The following CDH13 variants were observed in gnomAD, a reference collection of about 807,000 sequenced individuals.
The protein encoded by CDH13 is cadherin 13.
A neutral mutation model predicts 63.8 loss-of-function variants in CDH13; 24 were observed. That is an observed-to-expected ratio of 0.38 (90% confidence interval 0.27 to 0.53). CDH13 has a LOEUF of 0.53. Among genes scored for constraint, CDH13 ranks in the 20% least tolerant of loss-of-function variants. The pLI, the probability that CDH13 is intolerant of heterozygous loss-of-function variation, is 0.85. For synonymous variants in CDH13, 503 were observed against 355.3 expected (o/e 1.42, Z -4.67); for missense variants, 1,049 against 903.1 (o/e 1.16, Z -2.07).
chr16:83,158,569 C>T (rs184432924), intron 4 of CDH13, among the ~76,000 whole-genome samples: 61 of 152,308 alleles, frequency 4.0e-4, no homozygotes, highest in Non-Finnish European at 7.2e-4. Context: ...AGCCCATCTA[C>T]GGGCGCACTG....
chr16:83,215,073 CTTTTTTTT>C (rs571565652), intron 4 of CDH13, among the ~76,000 whole-genome samples: 5 of 56,232 alleles, frequency 8.9e-5, no homozygotes, highest in African/African-American at 1.4e-4. Context: ...TCAAACACCT[CTTTTTTTT>C]TTTTTTTTTT....
chr16:83,683,255 CAG>C (rs1483483381), intron 10 of CDH13, among the ~76,000 whole-genome samples: 1 of 152,216 alleles, frequency 6.6e-6, no homozygotes, highest in Admixed American at 6.5e-5. Flanking sequence ...GGTCTAGTGA[CAG>C]ATGAAATTCT....
At chr16:83,155,560 A>G (rs2037173162) in intron 4 of CDH13, among the ~76,000 whole-genome samples, 2 of 152,108 alleles carry the variant, frequency 1.3e-5, no homozygotes. Context: ...TCCCCTCAAC[A>G]GTGCATATAG....
At chr16:83,027,284 C>A (rs947593541) in intron 2 of CDH13, among the ~76,000 whole-genome samples, 1 of 152,056 alleles carries the variant, frequency 6.6e-6, no homozygotes, top group Non-Finnish European at 1.5e-5. Flanking sequence ...GCTCTTGGTT[C>A]TGGTGCAAAA....
intron 2 of CDH13, among the ~76,000 whole-genome samples, chr16:83,009,846 G>A (rs367977417): frequency 1.7e-4 from 26 of 152,240 alleles, no homozygotes; most frequent in African/African-American, 6.3e-4. Context: ...TGATTAGAAT[G>A]GCTCAGGCCG....
At chr16:83,107,233 C>A (rs575059825) in intron 3 of CDH13, among the ~76,000 whole-genome samples, 62 of 152,166 alleles carry the variant, frequency 4.1e-4, no homozygotes, top group African/African-American at 1.5e-3. Flanking sequence ...CTAAGAGTCC[C>A]GTTGAATTTC....
At chr16:83,658,903 C>T (rs376804526) in intron 8 of CDH13, among the ~76,000 whole-genome samples, 4 of 75,850 alleles carry the variant, frequency 5.3e-5, no homozygotes, top group African/African-American at 2.0e-4. Context: ...CGTATCCTCA[C>T]CAGCAAGGTC....
chr16:82,707,360 A>G (rs1165693366), intron 1 of CDH13, among the ~76,000 whole-genome samples: 2 of 152,194 alleles, frequency 1.3e-5, no homozygotes, highest in Non-Finnish European at 1.5e-5. Context: ...CACATATTTA[A>G]CAACAGGTGC....
rs35753725 is a variant in CDH13, at chr16:83,666,987, CTGGATGGATGGA to C, written c.1102-3771_1102-3760del. On this transcript the variant is annotated intron_variant, in intron 8 of 13. Coordinates refer to ENST00000567109, the MANE Select transcript of CDH13 (RefSeq NM_001257.5). The stretch of plus-strand genomic sequence containing the variant: ...GTCTGTTTTGTTTAGTGGTGTAACC[CTGGATGGATGGA>C]TGGATGGATGGATGGATGGATGGAT... 1.7e-3 allele frequency among the ~76,000 whole-genome samples: 240 copies of C among 144,580 alleles called. 1 individual carries two copies. The highest frequency in any genetic ancestry group is 5.3e-3 in the African/African-American group (208 of 39,256). The allele number at this position is 144,580 out of a possible 152,430, so 94.9% of individuals were successfully genotyped here.
rs531034637 is a variant in CDH13 at position 83,203,799 on chromosome 16, G to C, written c.484-13546G>C. ...GAAAGAAGAATTGAACAACTCCAGG[G>C]AAGTGAAGTTTGGCAAGTTAGCAAG... On this transcript the variant is annotated intron_variant, in intron 4 of 13. Transcript: ENST00000567109. Among the ~76,000 whole-genome samples, 6 of 152,252 alleles carry C rather than the reference G, an allele frequency of 3.9e-5. No individual in the cohort carries two copies. In the East Asian group the frequency reaches 1.2e-3, roughly 29 times the overall value.
intron 1 of CDH13, among the ~76,000 whole-genome samples, chr16:82,837,411 C>A (rs1201564728): frequency 6.7e-6 from 1 of 149,556 alleles, no homozygotes; most frequent in African/African-American, 2.5e-5. Context: ...TCCCCAAGAC[C>A]ACCCCCAGGT....
At chr16:83,561,905 G>A (rs1216916305) in intron 7 of CDH13, among the ~76,000 whole-genome samples, 32 of 152,144 alleles carry the variant, frequency 2.1e-4, no homozygotes, top group Non-Finnish European at 4.4e-5. Flanking sequence ...ATCAAATGGG[G>A]ATTCAGATGT....
At chr16:83,069,028 A>G (rs1567799728) in intron 3 of CDH13, among the ~76,000 whole-genome samples, 1 of 152,242 alleles carries the variant, frequency 6.6e-6, no homozygotes, top group Non-Finnish European at 1.5e-5. Context: ...ATATCCCAGA[A>G]CAAGAAGCAT....
chr16:82,642,950 A>G (rs78920651), intron 1 of CDH13, among the ~76,000 whole-genome samples: 3,366 of 152,330 alleles, frequency 0.022, 122 homozygotes, highest in African/African-American at 0.078. Context: ...TTCCAGACAC[A>G]CAAGACCACA....
chr16:82,903,639 G>C (rs138315899), intron 2 of CDH13, among the ~76,000 whole-genome samples: 38 of 152,188 alleles, frequency 2.5e-4, no homozygotes, highest in African/African-American at 8.2e-4. Flanking sequence ...TTTAATTGCC[G>C]TGGAAACTTT....
intron 7 of CDH13, among the ~76,000 whole-genome samples, chr16:83,529,101 T>G (rs570745584): frequency 6.6e-6 from 1 of 151,868 alleles, no homozygotes; most frequent in Admixed American, 6.5e-5. Context: ...CTTTTTTTTT[T>G]TTTTTTCTTT....
chr16:83,294,985 A>G (rs1357715326), intron 5 of CDH13, among the ~76,000 whole-genome samples: 1 of 152,216 alleles, frequency 6.6e-6, no homozygotes, highest in East Asian at 1.9e-4. Context: ...AAAGTATACT[A>G]CAAAGCTGTA....
At chr16:82,714,550 C>T (rs1246812490) in intron 1 of CDH13, among the ~76,000 whole-genome samples, 2 of 151,446 alleles carry the variant, frequency 1.3e-5, no homozygotes, top group Non-Finnish European at 2.9e-5. Context: ...CCTGTCTCTA[C>T]TAAAAATATA....
At chr16:82,666,005 G>C (rs1912539419) in intron 1 of CDH13, among the ~76,000 whole-genome samples, 2 of 152,100 alleles carry the variant, frequency 1.3e-5, no homozygotes, top group Admixed American at 6.5e-5. Context: ...AAAAACTGTT[G>C]TCTAGTCATT....
Sources: allele counts gnomAD v4.1 joint callset (sites outside exome capture counted in the v4.1 genomes callset), GRCh38; gene constraint gnomAD v4.1.1; transcripts MANE v1.5; gene names NCBI Gene and HGNC (gene_info 2026-07-23, HGNC 2026-07-21).